Variants in SPHKAP observed in about 807,000 individuals in gnomAD.
SPHKAP encodes A-kinase anchor protein SPHKAP.
Under a neutral mutation model 137.5 loss-of-function variants are expected in SPHKAP, and 67 were observed. The ratio of observed to expected loss-of-function variants is 0.49; its 90% CI spans 0.40 to 0.60. The LOEUF is 0.60. Ranked by LOEUF, SPHKAP falls within the 20% of genes least tolerant of loss-of-function variation. SPHKAP has a pLI of 0.00. For missense variants in SPHKAP, 2,097 were observed against 2,069.3 expected, an observed-to-expected ratio of 1.01 and a Z score of -0.26; for synonymous variants, 813 against 785.3, an observed-to-expected ratio of 1.04 and a Z score of -0.59.
chr2:228,074,394 G>A (rs1320473281), intron 3 of SPHKAP, among the ~76,000 whole-genome samples: 3 of 152,142 alleles, frequency 2.0e-5, no homozygotes, highest in Admixed American at 6.5e-5. Flanking sequence ...CCACATGACT[G>A]GGGAGGCCTC....
At chr2:228,141,637 A>C (rs1699609565) in intron 1 of SPHKAP, among the ~76,000 whole-genome samples, 1 of 149,480 alleles carries the variant, frequency 6.7e-6, no homozygotes, top group Admixed American at 6.7e-5. Context: ...AAGAATAACA[A>C]AGGCTTTTTT....
chr2:228,137,417 T>C (rs1198051180), intron 1 of SPHKAP, among the ~76,000 whole-genome samples: 2 of 152,192 alleles, frequency 1.3e-5, no homozygotes, highest in Non-Finnish European at 2.9e-5. Context: ...ATAAGCCACA[T>C]CTGAGAAGAT....
chr2:228,141,694 C>A (rs986658052), intron 1 of SPHKAP, among the ~76,000 whole-genome samples: 1 of 152,024 alleles, frequency 6.6e-6, no homozygotes, highest in Admixed American at 6.5e-5. Context: ...TAAGACAATA[C>A]AAAGATGCAG....
At chr2:228,128,050 G>A (rs1449114149) in intron 2 of SPHKAP, among the ~76,000 whole-genome samples, 1 of 152,126 alleles carries the variant, frequency 6.6e-6, no homozygotes. Flanking sequence ...TCAAGGTGGT[G>A]GACGCTGAAG....
At chr2:228,160,089 A>G (rs1024477404) in intron 1 of SPHKAP, among the ~76,000 whole-genome samples, 1 of 152,188 alleles carries the variant, frequency 6.6e-6, no homozygotes, top group African/African-American at 2.4e-5. Context: ...TACAAATTAG[A>G]GTGGAGGAAG....
At position 228,133,002 on chromosome 2, in the gene SPHKAP, A is replaced by C. The variant is rs146582109; in HGVS notation, c.33-917T>G. Among the ~76,000 whole-genome samples, 20 of 150,376 alleles carry C rather than the reference A, an allele frequency of 1.3e-4. No individual in the cohort carries two copies. In the East Asian group the frequency reaches 3.4e-3, roughly 25 times the overall value. ...CTGGGTGAGACCCTGTCTCAAAAAA[A>C]CAAAAAACAAACAAACAAAAAAGGC... is the stretch of plus-strand genomic sequence containing the variant. On this transcript the variant is annotated intron_variant, in intron 1 of 11. Transcript: ENST00000392056.
intron 2 of SPHKAP, among the ~76,000 whole-genome samples, chr2:228,120,021 G>T (rs1698855867): frequency 6.6e-6 from 1 of 152,092 alleles, no homozygotes; most frequent in African/African-American, 2.4e-5. Context: ...TATTTTAAAA[G>T]TGTTGTAAAA....
In SPHKAP at chr2:228,018,727, T is replaced by G. The variant is rs1235228910; in HGVS notation, c.2127A>C (p.Thr709=). The change falls in exon 7 of 12, where the codon ACA becomes ACC. Residue 709 remains threonine, a synonymous_variant. Transcript: ENST00000392056. ...ATATCACATCTAAAAGCAGTTGATTTGTACTTTCCATTAAGGTGTCCAGAA... is the reference window on the plus strand; with the variant it reads ...ATATCACATCTAAAAGCAGTTGATTGGTACTTTCCATTAAGGTGTCCAGAA... ...SEILDTLMES[T]NQLLLDVICF... The G allele has an allele frequency of 1.2e-6, 2 of 1,614,098 alleles. No individual in the cohort carries two copies. The highest frequency in any genetic ancestry group is 1.3e-5 in the African/African-American group (1 of 74,932).
chr2:228,028,088 C>T, intron 3 of SPHKAP: 1 of 984,290 alleles, frequency 1.0e-6, no homozygotes, highest in East Asian at 1.1e-4. Flanking sequence ...TTTCATGGCC[C>T]AACATACTAA....
In SPHKAP at chr2:228,083,471, G is replaced by A. The variant is rs555337083; in HGVS notation, c.246+25361C>T. On this transcript the variant is annotated intron_variant, in intron 3 of 11. Transcript: ENST00000392056. ...AGCTTTTTTTCTATGTTTTTTGGCC[G>A]CATAAATATCTTCTTTTGACAAGTG... Among the ~76,000 whole-genome samples, 50 of 152,118 alleles carry A rather than the reference G, an allele frequency of 3.3e-4. No homozygotes were observed. In the South Asian group the frequency reaches 9.6e-3, roughly 29 times the overall value.
intron 3 of SPHKAP, among the ~76,000 whole-genome samples, chr2:228,104,313 A>ATAATATAATATTAAATAATTTAATAT (rs1204232505): frequency 9.8e-4 from 142 of 144,698 alleles, no homozygotes; most frequent in African/African-American, 3.3e-3. Flanking sequence ...AATAATATTA[A>ATAATATAATATTAAATAATTTAATAT]TAATATAATA....
At chr2:228,003,815 A>T (rs939675259) in intron 7 of SPHKAP, among the ~76,000 whole-genome samples, 3 of 152,200 alleles carry the variant, frequency 2.0e-5, no homozygotes, top group Non-Finnish European at 4.4e-5. Context: ...CATTTTTGAG[A>T]TAATCATGTG....
intron 2 of SPHKAP, among the ~76,000 whole-genome samples, chr2:228,122,787 C>T (rs1004901258): frequency 6.6e-6 from 1 of 152,168 alleles, no homozygotes; most frequent in Non-Finnish European, 1.5e-5. Flanking sequence ...TGGCTCAGGG[C>T]ATACAGAGGT....
chr2:228,016,083 T>C (rs976265507), intron 7 of SPHKAP, among the ~76,000 whole-genome samples: 3 of 152,180 alleles, frequency 2.0e-5, no homozygotes, highest in African/African-American at 7.2e-5. Flanking sequence ...GTTATATAGA[T>C]GAGTTTAGTT....
At chr2:228,164,644 C>T (rs1375456428) in intron 1 of SPHKAP, among the ~76,000 whole-genome samples, 2 of 152,168 alleles carry the variant, frequency 1.3e-5, no homozygotes, top group African/African-American at 4.8e-5. Flanking sequence ...AGGAGGAATA[C>T]CCAATGGTCC....
intron 7 of SPHKAP, among the ~76,000 whole-genome samples, chr2:228,007,647 C>G (rs1694192513): frequency 6.6e-6 from 1 of 152,068 alleles, no homozygotes; most frequent in African/African-American, 2.4e-5. Flanking sequence ...ACAGAATTTC[C>G]TGATTTCAAA....
chr2:228,176,198 T>C (rs1700734759), intron 1 of SPHKAP, among the ~76,000 whole-genome samples: 2 of 152,184 alleles, frequency 1.3e-5, no homozygotes, highest in Admixed American at 1.3e-4. Context: ...AGAGTTTCTG[T>C]AAGTATAATG....
intron 3 of SPHKAP, among the ~76,000 whole-genome samples, chr2:228,039,530 G>A (rs1002506426): frequency 6.6e-6 from 1 of 151,920 alleles, no homozygotes; most frequent in Non-Finnish European, 1.5e-5. Flanking sequence ...TTCCATGTAG[G>A]CATTTGTAAA....
chr2:228,010,639 C>T (rs1299120288), intron 7 of SPHKAP, among the ~76,000 whole-genome samples: 1 of 152,112 alleles, frequency 6.6e-6, no homozygotes, highest in East Asian at 1.9e-4. Context: ...AAAGCTCTCT[C>T]TGTAGGTATG....
Sources: gnomAD v4.1 joint callset for allele counts (sites outside exome capture counted in the v4.1 genomes callset) on GRCh38, gnomAD v4.1.1 for gene constraint, MANE v1.5 for transcripts, NCBI Gene and HGNC (gene_info 2026-07-23, HGNC 2026-07-21) for gene names.